Variants in DYNC2H1 observed in about 807,000 individuals in gnomAD.
DYNC2H1 encodes cytoplasmic dynein 2 heavy chain 1.
Under a neutral mutation model 570.0 loss-of-function variants are expected in DYNC2H1, and 410 were observed. That is an observed-to-expected ratio of 0.72 (90% CI 0.66 to 0.78). DYNC2H1 has a LOEUF of 0.78. DYNC2H1 is among the 30% of genes least tolerant of loss of function. The pLI is 0.00. For missense variants in DYNC2H1, 4,865 were observed against 5,046.4 expected (o/e 0.96, Z 1.09); for synonymous variants, 1,688 against 1,677.6 (o/e 1.01, Z -0.15).
chr11:103,354,578 A>AT (rs1940238344), intron 82 of DYNC2H1, among the ~76,000 whole-genome samples: 1 of 151,324 alleles, frequency 6.6e-6, no homozygotes, highest in African/African-American at 2.4e-5. Flanking sequence ...TTTTTGGATG[A>AT]TTTTCTTCTA....
intron 58 of DYNC2H1, 25 bp downstream of exon 58, chr11:103,222,178 T>C (rs1445514424): frequency 2.7e-6 from 4 of 1,465,500 alleles, no homozygotes; most frequent in Non-Finnish European, 3.7e-6. Flanking sequence ...ATACTATAAA[T>C]TTGTTTTTCC....
intron 12 of DYNC2H1, 66 bp from the exon 13 acceptor site, chr11:103,128,844 A>G: frequency 3.1e-6 from 4 of 1,291,328 alleles, no homozygotes; most frequent in Non-Finnish European, 4.2e-6. Flanking sequence ...TTTCATTCAA[A>G]CAATTAAAAA....
Position 103,180,211 on chromosome 11 carries a change from G to C in DYNC2H1, c.6347+978G>C, listed in dbSNP as rs186472464. ...GTGTTATAATCTTGTGAGAAAAATA[G>C]AATAAAGGTAAGTTTTTAGTTAAAT... On this transcript the variant is annotated intron_variant, in intron 39 of 88. Transcript: ENST00000375735. Among the ~76,000 whole-genome samples, 697 of 151,630 alleles carry C rather than the reference G, an allele frequency of 4.6e-3. 13 individuals are homozygous for C. The highest frequency in any genetic ancestry group is 3.4e-3 in the Non-Finnish European group (228 of 67,640).
intron 76 of DYNC2H1, 138 bp downstream of exon 76, chr11:103,303,391 T>C (rs1345052673): frequency 1.2e-6 from 1 of 845,848 alleles, no homozygotes; most frequent in African/African-American, 1.8e-5. Flanking sequence ...TCCTCAGAAC[T>C]GTGGATATGT....
At chr11:103,278,244 CAAAA>C (rs1249428210) in intron 70 of DYNC2H1, among the ~76,000 whole-genome samples, 1 of 151,994 alleles carries the variant, frequency 6.6e-6, no homozygotes, top group Non-Finnish European at 1.5e-5. Flanking sequence ...GTTCCATAGA[CAAAA>C]AGATTAATAA....
intron 82 of DYNC2H1, among the ~76,000 whole-genome samples, chr11:103,340,706 T>C (rs1178289228): frequency 6.6e-6 from 1 of 152,148 alleles, no homozygotes; most frequent in Non-Finnish European, 1.5e-5. Context: ...TGGTAGTATA[T>C]TAAACTCTTG....
chr11:103,423,527 CTTTGTG>C (rs762054774), intron 84 of DYNC2H1, among the ~76,000 whole-genome samples: 6 of 150,404 alleles, frequency 4.0e-5, no homozygotes, highest in Admixed American at 2.7e-4. Context: ...TTTTTAGTGA[CTTTGTG>C]TTTGACAGTG....
chr11:103,121,479 C>A lies in DYNC2H1; in HGVS notation c.1468C>A (p.Arg490Ser). 6.2e-7 allele frequency: 1 copy of A among 1,610,842 alleles called. No homozygotes were observed. The highest frequency in any genetic ancestry group is 8.5e-7 in the Non-Finnish European group (1 of 1,178,386). The change falls in exon 10 of 89, where the codon CGC becomes AGC. Residue 490 changes from arginine (R) to serine (S), a missense_variant. This residue lies in a region of DYNC2H1 where 1,936 missense variants were observed against 1,962.1 expected (regional missense o/e 0.99). Transcript: ENST00000375735. ...SEVVNSIVWVRQLELKVDDTI... is the reference protein window; with the variant it reads ...SEVVNSIVWVSQLELKVDDTI... ...AGTTGTCAACAGTATAGTTTGGGTT[C>A]GCCAGTTGGAATTGAAGGTATTTAT...
chr11:103,130,407 A>C (rs191340867), intron 13 of DYNC2H1, among the ~76,000 whole-genome samples: 5 of 152,168 alleles, frequency 3.3e-5, no homozygotes, highest in Non-Finnish European at 7.4e-5. Context: ...TTTTCTGCAC[A>C]CTAGTTCTCA....
In DYNC2H1 at chr11:103,163,672, T is replaced by C. The variant is rs1861187497; in HGVS notation, c.4611+525T>C. Among the ~76,000 whole-genome samples the C allele has an allele frequency of 6.6e-6, 1 of 152,210 alleles. No homozygotes were observed. Among genetic ancestry groups the C allele is most frequent in the South Asian group, 2.1e-4 (1 of 4,832 alleles). On this transcript the variant is annotated intron_variant, in intron 30 of 88. Transcript: ENST00000375735. The surrounding 1 kb of genome is among the most constrained non-coding windows in gnomAD (Gnocchi z 4.6). Reference sequence around the variant, plus strand: ...CTAGATATTTAGCTTACAAAATTTGTACCAGTCTATATCAAAATGTAGCAC... The same window carrying C: ...CTAGATATTTAGCTTACAAAATTTGCACCAGTCTATATCAAAATGTAGCAC...
chr11:103,143,199 C>A (rs1860049758), intron 17 of DYNC2H1, 69 bp from the exon 18 acceptor site: 6 of 1,510,380 alleles, frequency 4.0e-6, no homozygotes, highest in Non-Finnish European at 5.4e-6. Flanking sequence ...ATAGTTGAAT[C>A]CTATTCTATT....
intron 84 of DYNC2H1, among the ~76,000 whole-genome samples, chr11:103,401,629 G>A (rs542019227): frequency 2.0e-5 from 3 of 152,236 alleles, no homozygotes; most frequent in African/African-American, 7.2e-5. Context: ...ACCTTGGGTA[G>A]GTTAATTAAG....
chr11:103,255,051 G>T (rs528763827), intron 66 of DYNC2H1, among the ~76,000 whole-genome samples: 1 of 152,138 alleles, frequency 6.6e-6, no homozygotes, highest in East Asian at 1.9e-4. Context: ...GATTACAGGC[G>T]TGAGCTACCA....
Position 103,170,045 on chromosome 11 carries a change from T to TA in DYNC2H1, c.4969-58dup. Reference sequence around the variant, plus strand: ...TCTTTTTAACTACAATCTCATGCTGTAAAAATATTTGTAAATGTTGAATAG... The same window carrying TA: ...TCTTTTTAACTACAATCTCATGCTGTAAAAAATATTTGTAAATGTTGAATAG... On this transcript the variant is annotated intron_variant, in intron 32 of 88. Transcript: ENST00000375735. This position sits in a 1 kb window ranked among gnomAD's most constrained non-coding sequence, Gnocchi z 4.8. The TA allele has an allele frequency of 7.3e-7, 1 of 1,363,984 alleles. No individual in the cohort carries two copies. Among genetic ancestry groups the TA allele is most frequent in the Non-Finnish European group, 9.8e-7 (1 of 1,024,296 alleles). The allele number at this position is 1,363,984 out of a possible 1,614,324, so 84.5% of individuals were successfully genotyped here. A position where few individuals can be genotyped will look rare whatever the true frequency, so the allele number is the denominator to read the frequency against.
At chr11:103,265,267 G>C (rs1038697905) in intron 70 of DYNC2H1, among the ~76,000 whole-genome samples, 8 of 152,150 alleles carry the variant, frequency 5.3e-5, no homozygotes, top group Non-Finnish European at 1.2e-4. Flanking sequence ...TGCAGGTAGG[G>C]CTTAAAACCT....
intron 66 of DYNC2H1, among the ~76,000 whole-genome samples, chr11:103,253,952 C>A (rs1331276095): frequency 6.6e-6 from 1 of 152,012 alleles, no homozygotes; most frequent in African/African-American, 2.4e-5. Flanking sequence ...TTTTTCATGT[C>A]CATACTCACA....
At chr11:103,266,804 C>G (rs757167229) in intron 70 of DYNC2H1, among the ~76,000 whole-genome samples, 13 of 152,148 alleles carry the variant, frequency 8.5e-5, no homozygotes, top group Non-Finnish European at 1.6e-4. Context: ...GCCCTGCAAG[C>G]AGGCGTGGCC....
chr11:103,397,545 T>C (rs1377510553), intron 83 of DYNC2H1, among the ~76,000 whole-genome samples: 1 of 152,188 alleles, frequency 6.6e-6, no homozygotes, highest in Non-Finnish European at 1.5e-5. Flanking sequence ...CTGTATTTAT[T>C]TTTAGAATTG....
intron 80 of DYNC2H1, among the ~76,000 whole-genome samples, chr11:103,317,594 C>G (rs904563827): frequency 1.3e-5 from 2 of 152,116 alleles, no homozygotes; most frequent in African/African-American, 4.8e-5. Flanking sequence ...TGTTTAAAAC[C>G]TATATCCATA....
Sources: allele counts gnomAD v4.1 joint callset (sites outside exome capture counted in the v4.1 genomes callset), GRCh38; gene constraint gnomAD v4.1.1; regional missense constraint gnomAD v4.1.1; non-coding constraint Gnocchi (gnomAD v3.1); transcripts MANE v1.5; gene names NCBI Gene and HGNC (gene_info 2026-07-23, HGNC 2026-07-21).